Variants in DLEU7 observed in about 807,000 individuals in gnomAD.
The protein encoded by DLEU7 is deleted in lymphocytic leukemia 7, also known as leukemia-associated protein 7.
In DLEU7, 17 loss-of-function variants were observed where a neutral mutation model predicts 16.0. The observed-to-expected ratio is 1.06, with a 90% confidence interval of 0.73 to 1.59. The LOEUF (loss-of-function observed/expected upper bound fraction) is 1.59, where lower values mean the gene tolerates loss of function less well. DLEU7 is among the 40% of genes most tolerant of loss of function. DLEU7 has a pLI of 0.00. For synonymous variants in DLEU7, 113 were observed against 139.8 expected (o/e 0.81, Z 1.35); for missense variants, 308 against 314.9 (o/e 0.98, Z 0.17).
At chr13:50,712,980 G>A in exon 2 of DLEU7, 2 of 523,082 alleles carry the variant, frequency 3.8e-6, no homozygotes, top group Non-Finnish European at 6.8e-6. Flanking sequence ...ACTTGGAGGT[G>A]AGAGAGGATA....
chr13:50,804,420 T>G lies in DLEU7; in HGVS notation c.459+38768A>C, dbSNP rs565357076. Among the ~76,000 whole-genome samples the G allele has an allele frequency of 8.5e-4, 123 of 144,070 alleles. 1 individual carries two copies. Among genetic ancestry groups the G allele is most frequent in the South Asian group, 7.3e-3 (33 of 4,540 alleles). The allele number at this position is 144,070 out of a possible 152,430, so 94.5% of individuals were successfully genotyped here. Reference sequence around the variant, plus strand: ...GTGTAATGTTGTTCGTTTTATGGGGTTTTTTTTTTTTCTGTTGTTGTTGTT... The same window carrying G: ...GTGTAATGTTGTTCGTTTTATGGGGGTTTTTTTTTTTCTGTTGTTGTTGTT... On this transcript the variant is annotated intron_variant, in intron 1 of 1. Transcript: ENST00000400393.
intron 1 of DLEU7, among the ~76,000 whole-genome samples, chr13:50,790,204 A>T (rs189819434): frequency 2.0e-5 from 3 of 152,050 alleles, no homozygotes; most frequent in Admixed American, 2.0e-4. Context: ...AAATGTTGAG[A>T]TTACAGGCGT....
chr13:50,748,060 AT>A (rs1388845739), intron 1 of DLEU7, among the ~76,000 whole-genome samples: 1 of 152,194 alleles, frequency 6.6e-6, no homozygotes, highest in Non-Finnish European at 1.5e-5. Flanking sequence ...GCGCACAAAC[AT>A]TTGTGTTTCA....
chr13:50,773,806 G>A (rs1875402931), intron 1 of DLEU7, among the ~76,000 whole-genome samples: 1 of 152,348 alleles, frequency 6.6e-6, no homozygotes, highest in Non-Finnish European at 1.5e-5. Context: ...GCTCTCTTCA[G>A]AGCTGTCAGA....
chr13:50,719,456 A>T (rs1593526215), intron 1 of DLEU7, among the ~76,000 whole-genome samples: 1 of 152,220 alleles, frequency 6.6e-6, no homozygotes, highest in Admixed American at 6.5e-5. Context: ...TAAAAAATTT[A>T]AAAACTCTTC....
chr13:50,774,945 T>A (rs562073452), intron 1 of DLEU7, among the ~76,000 whole-genome samples: 1 of 152,278 alleles, frequency 6.6e-6, no homozygotes, highest in South Asian at 2.1e-4. Flanking sequence ...TGTTTCTTTT[T>A]ACGATTTACA....
chr13:50,716,692 A>G lies in DLEU7; in HGVS notation c.460-3452T>C, dbSNP rs187920687. On this transcript the variant is annotated intron_variant, in intron 1 of 1. Coordinates refer to the DLEU7 transcript ENST00000400393. ...TTCATAGGATTGTAGGGAGAATCAA[A>G]TGACATAATGGTCATGAAAATATAT... is the stretch of plus-strand genomic sequence containing the variant. Among the ~76,000 whole-genome samples, 252 of 152,380 alleles carry G rather than the reference A, an allele frequency of 1.7e-3. 1 individual carries two copies. The highest frequency in any genetic ancestry group is 8.4e-3 in the Admixed American group (129 of 15,306).
chr13:50,783,182 A>G (rs1229983230), intron 1 of DLEU7, among the ~76,000 whole-genome samples: 1 of 152,186 alleles, frequency 6.6e-6, no homozygotes, highest in Admixed American at 6.5e-5. Flanking sequence ...CTGAGCTCCC[A>G]TTGCTCACAG....
intron 1 of DLEU7, among the ~76,000 whole-genome samples, chr13:50,768,972 C>G (rs146722710): frequency 0.014 from 2,182 of 152,272 alleles, 51 homozygotes; most frequent in African/African-American, 0.049. Context: ...TAAATGATCG[C>G]CATTCTAACT....
rs1328407969 is a variant in DLEU7, at chr13:50,823,358, A to G, written c.622T>C (p.Cys208Arg). 1 of 1,535,888 alleles carries G rather than the reference A, an allele frequency of 6.5e-7. No individual in the cohort carries two copies. The highest frequency in any genetic ancestry group is 8.7e-7 in the Non-Finnish European group (1 of 1,146,670). ...NFPSDAHMVA[C>R]ASLRQILQNL... The stretch of plus-strand genomic sequence containing the variant: ...TGTAAGATCTGTCTCAAGGAAGCAC[A>G]GGCTACCATGTGGGCATCTGAAGGA... The change falls in exon 2 of 2, where the codon TGT (cysteine) becomes CGT (arginine). Residue 208 changes from cysteine to arginine, a missense_variant. Cys to Arg is a radical substitution (Grantham distance 180). Coordinates refer to ENST00000504404, the MANE Select transcript of DLEU7 (RefSeq NM_001306135.2).
At chr13:50,717,752 T>C (rs1873480325) in intron 1 of DLEU7, among the ~76,000 whole-genome samples, 1 of 152,200 alleles carries the variant, frequency 6.6e-6, no homozygotes, top group Non-Finnish European at 1.5e-5. Context: ...CCATTTCTGC[T>C]AACAGCAATG....
intron 1 of DLEU7, among the ~76,000 whole-genome samples, chr13:50,825,732 T>C (rs542895463): frequency 3.3e-4 from 50 of 152,336 alleles, no homozygotes; most frequent in African/African-American, 1.1e-3. Flanking sequence ...TGATGATGAG[T>C]GGCTGGAATT....
At chr13:50,752,853 G>C (rs538922843) in intron 1 of DLEU7, among the ~76,000 whole-genome samples, 22 of 152,012 alleles carry the variant, frequency 1.4e-4, no homozygotes, top group African/African-American at 5.1e-4. Flanking sequence ...GGACCCAAGC[G>C]GGTTGCCACT....
At chr13:50,721,307 G>A (rs1853558) in intron 1 of DLEU7, among the ~76,000 whole-genome samples, 12,422 of 152,198 alleles carry the variant, frequency 0.082, 565 homozygotes, top group East Asian at 0.15. Context: ...CTACTTTTGG[G>A]GTTTTGGGAC....
intron 1 of DLEU7, among the ~76,000 whole-genome samples, chr13:50,746,034 T>G (rs569452309): frequency 1.4e-4 from 22 of 152,282 alleles, no homozygotes; most frequent in African/African-American, 3.6e-4. Flanking sequence ...ACCAAGGCCA[T>G]AGACAGCTGT....
downstream of DLEU7, among the ~76,000 whole-genome samples, chr13:50,820,864 ATAT>A (rs1420162939): frequency 6.6e-6 from 1 of 152,194 alleles, no homozygotes; most frequent in Non-Finnish European, 1.5e-5. Flanking sequence ...CATATTCAAA[ATAT>A]TATCATTTCA....
rs76348793 is a variant in DLEU7 at position 50,807,645 on chromosome 13, A to C, written c.459+35543T>G. 9.8e-3 allele frequency among the ~76,000 whole-genome samples: 1,488 copies of C among 152,202 alleles called. 19 individuals carry two copies. The highest frequency in any genetic ancestry group is 0.034 in the African/African-American group (1,395 of 41,520). On this transcript the variant is annotated intron_variant, in intron 1 of 1. Transcript: ENST00000400393. ...TTGAAAGGCTATTGTAAGGGGAAGA[A>C]AGAGGGAAAATCTGTTTCAGTAGGA...
intron 1 of DLEU7, among the ~76,000 whole-genome samples, chr13:50,740,560 C>G (rs771679412): frequency 6.6e-6 from 1 of 151,994 alleles, no homozygotes; most frequent in East Asian, 1.9e-4. Flanking sequence ...CCATTCCACT[C>G]AAGACTACAC....
At chr13:50,767,455 CAAAAAAAA>C (rs35091007) in intron 1 of DLEU7, among the ~76,000 whole-genome samples, 2 of 64,484 alleles carry the variant, frequency 3.1e-5, no homozygotes, top group African/African-American at 1.2e-4. Context: ...GACTCCGTCT[CAAAAAAAA>C]AAAAAAAAAA....
Sources: gnomAD v4.1 joint callset for allele counts (sites outside exome capture counted in the v4.1 genomes callset) on GRCh38, gnomAD v4.1.1 for gene constraint, MANE v1.5 for transcripts, NCBI Gene and HGNC (gene_info 2026-07-23, HGNC 2026-07-21) for gene names.